BAZ2B: variants seen among roughly 807,000 people sequenced by gnomAD.
BAZ2B encodes bromodomain adjacent to zinc finger domain 2B, also known as bromodomain adjacent to zinc finger domain protein 2B.
Under a neutral mutation model 246.0 loss-of-function variants are expected in BAZ2B, and 91 were observed. The ratio of observed to expected loss-of-function variants is 0.37; its 90% CI spans 0.31 to 0.44. The LOEUF is 0.44. Ranked by LOEUF, BAZ2B falls within the 20% of genes least tolerant of loss-of-function variation. The pLI is 1.00. For missense variants in BAZ2B, 2,332 were observed against 2,533.7 expected, an observed-to-expected ratio of 0.92 and a Z score of 1.71; for synonymous variants, 855 against 860.0, an observed-to-expected ratio of 0.99 and a Z score of 0.10.
chr2:159,512,917 A>T (rs922205684), intron 2 of BAZ2B, among the ~76,000 whole-genome samples: 1 of 152,226 alleles, frequency 6.6e-6, no homozygotes, highest in Non-Finnish European at 1.5e-5. Flanking sequence ...CATTTAAAAA[A>T]GACAACTCCT....
the BAZ2B span, among the ~76,000 whole-genome samples, chr2:159,632,686 G>A: frequency 6.6e-6 from 1 of 152,112 alleles, no homozygotes. Flanking sequence ...TTAATGTGGT[G>A]CTGATAAACT....
At position 159,446,916 on chromosome 2, in the gene BAZ2B, C is replaced by G. The variant is rs370498592; in HGVS notation, c.562G>C (p.Val188Leu). The stretch of plus-strand genomic sequence containing the variant: ...GAACTTGAAGCAGTAGTGGATAGTA[C>G]AGATGTGTTGATACCAATTACAGAT... ...TSSVIGINTSVLSTTASSSMG... is the reference protein window; with the variant it reads ...TSSVIGINTSLLSTTASSSMG... The change falls in exon 6 of 37, where the codon GTA becomes CTA. Residue 188 changes from valine to leucine, a missense_variant. This residue lies in a region of BAZ2B where 242 missense variants were observed against 237.4 expected (regional missense o/e 1.02). Transcript: ENST00000392783. 1.2e-5 allele frequency: 19 copies of G among 1,610,496 alleles called. No individual in the cohort carries two copies. In the African/African-American group the frequency reaches 2.0e-4, roughly 17 times the overall value.
the BAZ2B span, among the ~76,000 whole-genome samples, chr2:159,679,444 G>T: frequency 6.6e-6 from 1 of 152,024 alleles, no homozygotes; most frequent in Non-Finnish European, 1.5e-5. Flanking sequence ...AGCAGAGTTT[G>T]TTTATATATT....
At chr2:159,335,868 A>G (rs1208868183) in intron 33 of BAZ2B, among the ~76,000 whole-genome samples, 1 of 152,208 alleles carries the variant, frequency 6.6e-6, no homozygotes, top group Non-Finnish European at 1.5e-5. Context: ...CTGTAATTCA[A>G]AGTAAATGGT....
intron 2 of BAZ2B, among the ~76,000 whole-genome samples, chr2:159,487,746 T>C (rs572213280): frequency 5.5e-4 from 84 of 151,906 alleles, no homozygotes; most frequent in Middle Eastern, 3.4e-3. Flanking sequence ...ACTTCAGAGC[T>C]TGAAGACAAG....
chr2:159,632,968 G>A, the BAZ2B span, among the ~76,000 whole-genome samples: 2 of 152,150 alleles, frequency 1.3e-5, no homozygotes, highest in Non-Finnish European at 2.9e-5. Flanking sequence ...TAAGACTACA[G>A]ACACAAGGGT....
chr2:159,344,951 T>G (rs981073796), intron 31 of BAZ2B, among the ~76,000 whole-genome samples: 2 of 152,200 alleles, frequency 1.3e-5, no homozygotes, highest in Non-Finnish European at 2.9e-5. Context: ...GGCTCACACC[T>G]GTAATCCCAG....
chr2:159,399,750 C>A (rs1483301356), intron 17 of BAZ2B, among the ~76,000 whole-genome samples: 1 of 152,084 alleles, frequency 6.6e-6, no homozygotes, highest in Non-Finnish European at 1.5e-5. Context: ...CCGGAGCCCT[C>A]AGGGAATAAA....
At chr2:159,506,342 C>T (rs182996423) in intron 2 of BAZ2B, among the ~76,000 whole-genome samples, 23 of 152,150 alleles carry the variant, frequency 1.5e-4, no homozygotes, top group African/African-American at 5.3e-4. Context: ...ACCTACTGAC[C>T]CAGCTATCCA....
chr2:159,635,240 G>A, the BAZ2B span, among the ~76,000 whole-genome samples: 1 of 152,064 alleles, frequency 6.6e-6, no homozygotes, highest in Non-Finnish European at 1.5e-5. Context: ...CAATTCAGGA[G>A]TCCTGAAGCT....
At chr2:159,668,795 G>A in the BAZ2B span, among the ~76,000 whole-genome samples, 4 of 152,030 alleles carry the variant, frequency 2.6e-5, no homozygotes, top group Non-Finnish European at 5.9e-5. Flanking sequence ...ATGGGTTGAC[G>A]CCTGTAATCC....
In BAZ2B at chr2:159,405,109, C is replaced by T. The variant is rs761886415; in HGVS notation, c.2683G>A (p.Ala895Thr). The change falls in exon 15 of 37, where the codon GCC (alanine) becomes ACC (threonine). Residue 895 changes from alanine to threonine, a missense_variant. By Grantham distance (58) the Ala-to-Thr change is moderately conservative. Around this residue, in one of 9 missense-constraint regions of BAZ2B, gnomAD observed 651 missense variants for 650.9 expected, o/e 1.00. Transcript: ENST00000392783. ...LLRKLQAQEI[A>T]RQAAQIKLLR... ...AGCTTTATTTGTGCTGCTTGCCTGG[C>T]TATTTCTGAAAAACACAAAATTTCA... 6.2e-7 allele frequency: 1 copy of T among 1,613,752 alleles called. No individual in the cohort carries two copies. Among genetic ancestry groups the T allele is most frequent in the Non-Finnish European group, 8.5e-7 (1 of 1,179,958 alleles).
At chr2:159,657,485 G>A in the BAZ2B span, among the ~76,000 whole-genome samples, 1 of 152,106 alleles carries the variant, frequency 6.6e-6, no homozygotes, top group African/African-American at 2.4e-5. Flanking sequence ...TCAGCTTGTT[G>A]ATGTCCCAAA....
chr2:159,363,647 C>T (rs2059937622), intron 27 of BAZ2B, among the ~76,000 whole-genome samples: 1 of 152,166 alleles, frequency 6.6e-6, no homozygotes, highest in Admixed American at 6.5e-5. Context: ...CAATCTCCCT[C>T]ACACCAATAA....
At chr2:159,463,035 G>T in intron 3 of BAZ2B, 1 of 735,506 alleles carries the variant, frequency 1.4e-6, no homozygotes, top group South Asian at 1.5e-5. Flanking sequence ...CTGTAATTAT[G>T]ACCTGATCTT....
At chr2:159,462,913 C>T (rs2076588137) in intron 3 of BAZ2B, 1 of 1,559,710 alleles carries the variant, frequency 6.4e-7, no homozygotes, top group Non-Finnish European at 8.8e-7. Flanking sequence ...TTCAGACCTC[C>T]ATCTACTTGT....
the BAZ2B span, among the ~76,000 whole-genome samples, chr2:159,645,072 C>T: frequency 6.6e-5 from 10 of 152,120 alleles, no homozygotes; most frequent in African/African-American, 1.7e-4. Context: ...CCCAGGAGTT[C>T]GAGACCAGCC....
At position 159,400,625 on chromosome 2, in the gene BAZ2B, CT is replaced by C; in HGVS notation, c.2871del (p.Glu958AsnfsTer8). The C allele has an allele frequency of 1.9e-6, 3 of 1,576,128 alleles. No homozygotes were observed. Among genetic ancestry groups the C allele is most frequent in the Admixed American group, 1.7e-5 (1 of 57,864 alleles). Reference sequence around the variant, plus strand: ...TCTAGAATTTGCTGAGCTCGAAGTTCTTTTTCCATTCTGATTTGCTGTATTC... The same window carrying C: ...TCTAGAATTTGCTGAGCTCGAAGTTCTTTTCCATTCTGATTTGCTGTATTC... ...IKRIQQIRME[K>X]ELRAQQILEA... On this transcript the variant is annotated frameshift_variant, in exon 17 of 37. Coordinates refer to ENST00000392783, the MANE Select transcript of BAZ2B (RefSeq NM_013450.4). LOFTEE classifies it high-confidence loss of function.
chr2:159,639,047 A>G, the BAZ2B span, among the ~76,000 whole-genome samples: 1 of 152,202 alleles, frequency 6.6e-6, no homozygotes, highest in Non-Finnish European at 1.5e-5. Flanking sequence ...TATGTCTGGC[A>G]GCACACTTTT....
Sources: allele counts gnomAD v4.1 joint callset (sites outside exome capture counted in the v4.1 genomes callset), GRCh38; gene constraint gnomAD v4.1.1; regional missense constraint gnomAD v4.1.1; transcripts MANE v1.5; gene names NCBI Gene and HGNC (gene_info 2026-07-23, HGNC 2026-07-21).